CFAP299: variants seen among roughly 807,000 people sequenced by gnomAD.
CFAP299 encodes cilia- and flagella-associated protein 299.
CFAP299 carries 21 observed loss-of-function variants against 27.0 expected under a neutral mutation model. The ratio of observed to expected loss-of-function variants is 0.78; its 90% CI spans 0.55 to 1.12. CFAP299 has a LOEUF of 1.12. Ranked by LOEUF, CFAP299 falls within the 50% of genes most tolerant of loss-of-function variation. The pLI, the probability that CFAP299 is intolerant of heterozygous loss-of-function variation, is 0.00. For missense variants in CFAP299, 310 were observed against 276.6 expected (o/e 1.12, Z -0.86); for synonymous variants, 104 against 98.1 (o/e 1.06, Z -0.36).
chr4:80,384,636 C>T (rs1578380341), intron 2 of CFAP299, among the ~76,000 whole-genome samples: 1 of 152,080 alleles, frequency 6.6e-6, no homozygotes, highest in South Asian at 2.1e-4. Context: ...CAAAGAGTTT[C>T]ATGCATGACT....
intron 3 of CFAP299, among the ~76,000 whole-genome samples, chr4:80,596,593 T>G (rs190681268): frequency 1.3e-5 from 2 of 152,264 alleles, no homozygotes; most frequent in African/African-American, 2.4e-5. Flanking sequence ...AGAAACTTCT[T>G]TTTAAAATTG....
At chr4:80,916,762 A>T (rs1379211524) in intron 4 of CFAP299, among the ~76,000 whole-genome samples, 1 of 152,160 alleles carries the variant, frequency 6.6e-6, no homozygotes, top group African/African-American at 2.4e-5. Context: ...ATTATAAAAG[A>T]CATTGAAAGT....
intron 5 of CFAP299, among the ~76,000 whole-genome samples, chr4:80,954,775 G>A (rs997091194): frequency 5.3e-5 from 8 of 151,690 alleles, no homozygotes; most frequent in Non-Finnish European, 1.0e-4. Flanking sequence ...GGAGGTGGGC[G>A]GACCACGAGG....
chr4:80,696,067 C>T (rs1018568749), intron 3 of CFAP299, among the ~76,000 whole-genome samples: 3 of 151,816 alleles, frequency 2.0e-5, no homozygotes, highest in Non-Finnish European at 2.9e-5. Context: ...TTTGGGAGGC[C>T]GAGGTGGGTG....
At chr4:80,730,248 C>CTCTCTCTCTCTCTG (rs1553953972) in intron 3 of CFAP299, among the ~76,000 whole-genome samples, 88 of 130,882 alleles carry the variant, frequency 6.7e-4, no homozygotes, top group African/African-American at 2.6e-3. Flanking sequence ...CTCTCTCTCT[C>CTCTCTCTCTCTCTG]TGTGTGTGTG....
At chr4:80,322,315 ACAG>A in the CFAP299 span, among the ~76,000 whole-genome samples, 1 of 152,204 alleles carries the variant, frequency 6.6e-6, no homozygotes, top group Non-Finnish European at 1.5e-5. Context: ...AACAGCAACA[ACAG>A]CAACAACAAC....
intron 3 of CFAP299, among the ~76,000 whole-genome samples, chr4:80,733,856 C>A (rs1406060370): frequency 1.3e-5 from 2 of 152,098 alleles, no homozygotes; most frequent in Non-Finnish European, 2.9e-5. Context: ...TTTTCCTTAT[C>A]CATTCATCTG....
At chr4:80,447,141 T>TTTTTTTTTTTTTTGTTTTTTTTTTTG (rs1560571682) in intron 2 of CFAP299, among the ~76,000 whole-genome samples, 1 of 126,484 alleles carries the variant, frequency 7.9e-6, no homozygotes, top group African/African-American at 3.3e-5. Flanking sequence ...TTTTTTTTTT[T>TTTTTTTTTTTTTTGTTTTTTTTTTTG]TTTTTTTTTT....
At chr4:80,347,229 T>G (rs1372792328) in intron 1 of CFAP299, among the ~76,000 whole-genome samples, 1 of 152,116 alleles carries the variant, frequency 6.6e-6, no homozygotes, top group East Asian at 1.9e-4. Context: ...ACAGGGACAA[T>G]TTGACTTCTT....
chr4:80,695,360 C>T (rs1343288949), intron 3 of CFAP299, among the ~76,000 whole-genome samples: 1 of 152,186 alleles, frequency 6.6e-6, no homozygotes, highest in East Asian at 1.9e-4. Flanking sequence ...TAGCTTCTTT[C>T]TACTAATCTT....
chr4:80,881,669 C>A (rs989660959), intron 4 of CFAP299, among the ~76,000 whole-genome samples: 1 of 151,934 alleles, frequency 6.6e-6, no homozygotes, highest in Non-Finnish European at 1.5e-5. Context: ...AATGTACAGA[C>A]AACAAAGTAA....
At chr4:80,456,636 A>T (rs1729176015) in intron 2 of CFAP299, among the ~76,000 whole-genome samples, 1 of 152,176 alleles carries the variant, frequency 6.6e-6, no homozygotes, top group Admixed American at 6.5e-5. Flanking sequence ...TACATGGAGG[A>T]TTGGAATCTG....
At chr4:80,710,483 CT>C (rs372010060) in intron 3 of CFAP299, among the ~76,000 whole-genome samples, 132 of 95,074 alleles carry the variant, frequency 1.4e-3, no homozygotes, top group Middle Eastern at 0.012. Context: ...TTTTCTTTTT[CT>C]TTTTTTTTTT....
intron 2 of CFAP299, among the ~76,000 whole-genome samples, chr4:80,428,787 C>T (rs1411790101): frequency 4.0e-5 from 6 of 151,706 alleles, no homozygotes; most frequent in African/African-American, 1.5e-4. Flanking sequence ...GATTTGCCTG[C>T]CTTGGCCTCC....
intron 3 of CFAP299, among the ~76,000 whole-genome samples, chr4:80,686,395 T>C (rs1213637281): frequency 6.6e-6 from 1 of 152,226 alleles, no homozygotes; most frequent in Non-Finnish European, 1.5e-5. Flanking sequence ...TCTCTAGATT[T>C]CTGTGCTTTC....
intron 2 of CFAP299, among the ~76,000 whole-genome samples, chr4:80,400,545 C>G (rs535892859): frequency 6.6e-6 from 1 of 152,276 alleles, no homozygotes; most frequent in Admixed American, 6.5e-5. Context: ...GCTTCTTCCT[C>G]ATTTTCTCTT....
Position 80,585,432 on chromosome 4 carries a change from T to C in CFAP299, c.333+2249T>C, listed in dbSNP as rs565434695. ...TATCCCTCAAATGCTCAACATTTGC[T>C]CTATTACTAAGTTATTTTTTTCCTT... is the stretch of plus-strand genomic sequence containing the variant. On this transcript the variant is annotated intron_variant, in intron 3 of 5. Transcript: ENST00000358105. Among the ~76,000 whole-genome samples, 31 of 152,322 alleles carry C rather than the reference T, an allele frequency of 2.0e-4. 1 individual carries two copies. In the South Asian group the frequency reaches 6.4e-3, roughly 32 times the overall value.
intron 2 of CFAP299, among the ~76,000 whole-genome samples, chr4:80,576,886 TG>T (rs1735892582): frequency 6.6e-6 from 1 of 152,194 alleles, no homozygotes; most frequent in Admixed American, 6.6e-5. Context: ...AATCTACCTT[TG>T]AACAGAACAG....
At chr4:80,892,391 A>G (rs987728014) in intron 4 of CFAP299, among the ~76,000 whole-genome samples, 2 of 152,170 alleles carry the variant, frequency 1.3e-5, no homozygotes, top group South Asian at 2.1e-4. Context: ...AAGACCTCAA[A>G]CTATGAAACT....
Sources: gnomAD v4.1 joint callset for allele counts (sites outside exome capture counted in the v4.1 genomes callset) on GRCh38, gnomAD v4.1.1 for gene constraint, MANE v1.5 for transcripts, NCBI Gene and HGNC (gene_info 2026-07-23, HGNC 2026-07-21) for gene names.